Variants in PLAAT3 observed in about 807,000 individuals in gnomAD.
The protein encoded by PLAAT3 is phospholipase A and acyltransferase 3.
In PLAAT3, 21 loss-of-function variants were observed where a neutral mutation model predicts 16.7. The ratio of observed to expected loss-of-function variants is 1.26; its 90% CI spans 0.89 to 1.81. The LOEUF is 1.81. PLAAT3 is among the 40% of genes most tolerant of loss of function. PLAAT3 has a pLI of 0.00. For missense variants in PLAAT3, 219 were observed against 213.7 expected (o/e 1.02, Z -0.16); for synonymous variants, 76 against 81.7 (o/e 0.93, Z 0.38).
chr11:63,595,297 A>G (rs1421300833), intron 3 of PLAAT3, among the ~76,000 whole-genome samples: 1 of 142,782 alleles, frequency 7.0e-6, no homozygotes, highest in Admixed American at 7.0e-5. Flanking sequence ...TCTCGGAAAA[A>G]AAAAAAAAAA....
chr11:63,586,376 C>T (rs1170587815), intron 4 of PLAAT3, among the ~76,000 whole-genome samples: 4 of 152,160 alleles, frequency 2.6e-5, no homozygotes, highest in Non-Finnish European at 5.9e-5. Context: ...TTAGGTGATC[C>T]ACCCACCCCA....
At chr11:63,576,890 C>T (rs1269757330) in intron 4 of PLAAT3, among the ~76,000 whole-genome samples, 1 of 152,086 alleles carries the variant, frequency 6.6e-6, no homozygotes, top group Non-Finnish European at 1.5e-5. Context: ...ACACAAGTAC[C>T]ACTTGACAGA....
chr11:63,596,024 G>A (rs894060542), intron 3 of PLAAT3, among the ~76,000 whole-genome samples: 3 of 151,772 alleles, frequency 2.0e-5, no homozygotes, highest in Non-Finnish European at 4.4e-5. Context: ...GGCGGATCAC[G>A]AGGTCAGGAG....
intron 2 of PLAAT3, among the ~76,000 whole-genome samples, chr11:63,603,755 G>C (rs2510843): frequency 0.012 from 470 of 39,742 alleles, 17 homozygotes; most frequent in African/African-American, 0.021. Flanking sequence ...CACACACACA[G>C]ACAGAGATAT....
In PLAAT3 at chr11:63,576,537, C is replaced by A. The variant is rs79741923; in HGVS notation, c.388-1491G>T. Among the ~76,000 whole-genome samples, 738 of 152,330 alleles carry A rather than the reference C, an allele frequency of 4.8e-3. 6 individuals carry two copies. Among genetic ancestry groups the A allele is most frequent in the African/African-American group, 0.017 (687 of 41,582 alleles). On this transcript the variant is annotated intron_variant, in intron 4 of 4. Coordinates refer to ENST00000415826, the MANE Select transcript of PLAAT3 (RefSeq NM_001128203.2). ...TCAGGAGGCTGAGGCAGAAAAAAATCACTTGAACCCGGGAAGTGGAATTTG... is the reference window on the plus strand; with the variant it reads ...TCAGGAGGCTGAGGCAGAAAAAAATAACTTGAACCCGGGAAGTGGAATTTG...
At chr11:63,609,605 GGA>G (rs1448707506) in intron 2 of PLAAT3, among the ~76,000 whole-genome samples, 1 of 152,222 alleles carries the variant, frequency 6.6e-6, no homozygotes, top group Non-Finnish European at 1.5e-5. Flanking sequence ...AGGACAGGGA[GGA>G]GAAGGAGGCC....
chr11:63,604,625 T>C (rs1938511920), intron 2 of PLAAT3, among the ~76,000 whole-genome samples: 1 of 151,916 alleles, frequency 6.6e-6, no homozygotes, highest in Non-Finnish European at 1.5e-5. Context: ...TAGCCAGGCA[T>C]GGTGGTACAT....
At chr11:63,595,162 G>A (rs181816955) in intron 3 of PLAAT3, among the ~76,000 whole-genome samples, 31 of 151,792 alleles carry the variant, frequency 2.0e-4, no homozygotes, top group Admixed American at 1.7e-3. Context: ...ATGGTGGTGC[G>A]TGCCTGTAAT....
At chr11:63,615,132 GTATA>G (rs1223886077), upstream of PLAAT3, among the ~76,000 whole-genome samples, 8 of 9,064 alleles carry the variant, frequency 8.8e-4, 1 homozygote, top group Admixed American at 3.8e-3. Context: ...GTGTATATAT[GTATA>G]TGTGTATATG....
At chr11:63,594,844 G>A (rs1474011149) in intron 3 of PLAAT3, among the ~76,000 whole-genome samples, 4 of 151,240 alleles carry the variant, frequency 2.6e-5, no homozygotes, top group African/African-American at 9.7e-5. Context: ...AATACAGAAG[G>A]AGGTGGGGAA....
Position 63,579,872 on chromosome 11 carries a change from T to TAA in PLAAT3, c.388-4828_388-4827dup, listed in dbSNP as rs34817353. Among the ~76,000 whole-genome samples the TAA allele has an allele frequency of 2.9e-3, 309 of 107,100 alleles. 3 individuals are homozygous for TAA. Among genetic ancestry groups the TAA allele is most frequent in the Middle Eastern group, 5.2e-3 (1 of 192 alleles). The allele number at this position is 107,100 out of a possible 152,430, so 70.3% of individuals were successfully genotyped here. On this transcript the variant is annotated intron_variant, in intron 4 of 4. Coordinates refer to ENST00000415826, the MANE Select transcript of PLAAT3 (RefSeq NM_001128203.2). ...ATGTACCCTAAAACTTAAAGTATAA[T>TAA]AAAAAAAAAAAAAAAAAAGAAGAAG... is the stretch of plus-strand genomic sequence containing the variant.
intron 3 of PLAAT3, among the ~76,000 whole-genome samples, chr11:63,595,775 GT>G (rs1388803242): frequency 2.1e-4 from 32 of 152,108 alleles, no homozygotes; most frequent in Admixed American, 2.1e-3. Context: ...CCCAGTTTAA[GT>G]TAAAGGCTTA....
intron 3 of PLAAT3, among the ~76,000 whole-genome samples, chr11:63,594,632 A>G (rs1938238373): frequency 6.6e-6 from 1 of 152,154 alleles, no homozygotes; most frequent in South Asian, 2.1e-4. Context: ...AGAAAAAGAA[A>G]AAAGAAAGTG....
At chr11:63,595,696 A>G (rs1258087735) in intron 3 of PLAAT3, among the ~76,000 whole-genome samples, 1 of 152,084 alleles carries the variant, frequency 6.6e-6, no homozygotes, top group East Asian at 1.9e-4. Flanking sequence ...TGTTACATGG[A>G]TGGTTTTTTT....
At chr11:63,602,818 C>A (rs912188403) in intron 2 of PLAAT3, among the ~76,000 whole-genome samples, 10 of 152,116 alleles carry the variant, frequency 6.6e-5, no homozygotes, top group East Asian at 1.9e-4. Flanking sequence ...GATGGCCAGG[C>A]GCAGCGGCTC....
rs1421545305 is a variant in PLAAT3 at position 63,614,081 on chromosome 11, G to T, written c.-54-13C>A. ...GCTGCGTAGATGTCTGAGGCAGGGG[G>T]AGCAGGGATTTATTGTCATTAACAG... On this transcript the variant is annotated splice_polypyrimidine_tract_variant and intron_variant, in intron 1 of 4. Coordinates refer to ENST00000415826, the MANE Select transcript of PLAAT3 (RefSeq NM_001128203.2). 1 of 1,612,116 alleles carries T rather than the reference G, an allele frequency of 6.2e-7. No homozygotes were observed. Among genetic ancestry groups the T allele is most frequent in the South Asian group, 1.1e-5 (1 of 90,980 alleles).
chr11:63,589,064 C>T (rs1457436894), intron 4 of PLAAT3, among the ~76,000 whole-genome samples: 1 of 148,290 alleles, frequency 6.7e-6, no homozygotes, highest in Non-Finnish European at 1.5e-5. Flanking sequence ...ACAATGTATT[C>T]AGTGTGCTAA....
intron 3 of PLAAT3, among the ~76,000 whole-genome samples, chr11:63,595,098 C>A (rs1938253989): frequency 6.6e-6 from 1 of 152,006 alleles, no homozygotes. Flanking sequence ...TGAGACCAGC[C>A]TGGCCAACAT....
intron 4 of PLAAT3, among the ~76,000 whole-genome samples, chr11:63,578,564 G>A (rs1316877671): frequency 6.6e-6 from 1 of 151,968 alleles, no homozygotes; most frequent in Non-Finnish European, 1.5e-5. Flanking sequence ...CAGAAATAAT[G>A]CCACATATCT....
Sources: allele counts gnomAD v4.1 joint callset (sites outside exome capture counted in the v4.1 genomes callset), GRCh38; gene constraint gnomAD v4.1.1; transcripts MANE v1.5; gene names NCBI Gene and HGNC (gene_info 2026-07-23, HGNC 2026-07-21).